PACRG: variants seen among roughly 807,000 people sequenced by gnomAD.
PACRG encodes the protein parkin coregulated gene protein.
In PACRG, 29 loss-of-function variants were observed where a neutral mutation model predicts 29.7. That is an observed-to-expected ratio of 0.98 (90% CI 0.73 to 1.33). The LOEUF (loss-of-function observed/expected upper bound fraction) is 1.33, where lower values mean the gene tolerates loss of function less well. Ranked by LOEUF, PACRG falls within the 40% of genes most tolerant of loss-of-function variation. The pLI is 0.00. For synonymous variants in PACRG, 116 were observed against 118.7 expected (o/e 0.98, Z 0.15); for missense variants, 279 against 316.2 (o/e 0.88, Z 0.89).
intron 1 of PACRG, among the ~76,000 whole-genome samples, chr6:162,783,474 A>C (rs1280436355): frequency 6.6e-6 from 1 of 151,984 alleles, no homozygotes; most frequent in Non-Finnish European, 1.5e-5. Context: ...AAATGAAATT[A>C]TAACTGCTGT....
chr6:162,781,668 G>A (rs1178073761), intron 1 of PACRG, among the ~76,000 whole-genome samples: 1 of 150,134 alleles, frequency 6.7e-6, no homozygotes, highest in African/African-American at 2.5e-5. Flanking sequence ...TTATATGTGT[G>A]TGTGAGGTAT....
intron 4 of PACRG, among the ~76,000 whole-genome samples, chr6:163,293,476 A>G (rs2128187859): frequency 6.6e-6 from 1 of 152,320 alleles, no homozygotes; most frequent in East Asian, 1.9e-4. Context: ...CAGCTGTATA[A>G]CCACAAGGCA....
At chr6:162,930,678 A>G (rs1350057684) in intron 2 of PACRG, among the ~76,000 whole-genome samples, 1 of 151,986 alleles carries the variant, frequency 6.6e-6, no homozygotes, top group Non-Finnish European at 1.5e-5. Context: ...CATATCGTAG[A>G]GGAAAGGCTT....
chr6:162,962,016 G>A (rs183100426), intron 2 of PACRG, among the ~76,000 whole-genome samples: 2 of 151,834 alleles, frequency 1.3e-5, no homozygotes, highest in East Asian at 3.9e-4. Context: ...CTAAACTTTT[G>A]TTCCTCCTTG....
chr6:163,035,502 C>T (rs940133150), intron 2 of PACRG, among the ~76,000 whole-genome samples: 9 of 152,134 alleles, frequency 5.9e-5, no homozygotes, highest in African/African-American at 2.2e-4. Flanking sequence ...CAAAAATTAG[C>T]CAGGTACGGT....
intron 4 of PACRG, among the ~76,000 whole-genome samples, chr6:163,177,474 G>T (rs774871361): frequency 6.6e-6 from 1 of 152,048 alleles, no homozygotes; most frequent in East Asian, 1.9e-4. Flanking sequence ...CAGGGTCTGA[G>T]TGACAATGTG....
rs1240269927 is a variant in PACRG at position 163,055,506 on chromosome 6, A to C, written c.292-6644A>C. 3.3e-5 allele frequency among the ~76,000 whole-genome samples: 5 copies of C among 152,210 alleles called. No individual in the cohort carries two copies. The highest frequency in any genetic ancestry group is 5.9e-5 in the Non-Finnish European group (4 of 68,036). ...CTGAAAACAAAATTATTATAATAAA[A>C]AGGAACCCTGGAAGATATGTAAAAG... On this transcript the variant is annotated intron_variant, in intron 2 of 4. Transcript: ENST00000366888. The surrounding 1 kb of genome is among the most constrained non-coding windows in gnomAD (Gnocchi z 4.0).
In PACRG at chr6:162,995,536, A is replaced by C. The variant is rs1348950525; in HGVS notation, c.292-66614A>C. Reference sequence around the variant, plus strand: ...CGTCCGTCACCCCTTTCTTTGACTCAGAAAGCGAACTCCCTGACCCCTTGC... The same window carrying C: ...CGTCCGTCACCCCTTTCTTTGACTCCGAAAGCGAACTCCCTGACCCCTTGC... On this transcript the variant is annotated intron_variant, in intron 2 of 4. Coordinates refer to ENST00000366888, the MANE Select transcript of PACRG (RefSeq NM_001080379.2). Among the ~76,000 whole-genome samples, 3 of 152,178 alleles carry C rather than the reference A, an allele frequency of 2.0e-5. No homozygotes were observed. In the East Asian group the frequency reaches 5.8e-4, roughly 29 times the overall value.
intron 2 of PACRG, among the ~76,000 whole-genome samples, chr6:162,818,398 G>A (rs1247677751): frequency 1.3e-5 from 2 of 152,058 alleles, no homozygotes; most frequent in South Asian, 2.1e-4. Flanking sequence ...GGGTGGGGAC[G>A]GGGCTCTTTG....
At chr6:162,840,031 G>C (rs1367006202) in intron 2 of PACRG, among the ~76,000 whole-genome samples, 29 of 122,464 alleles carry the variant, frequency 2.4e-4, no homozygotes, top group African/African-American at 9.2e-4. Flanking sequence ...GTAGTGTGAT[G>C]CCTCCAGCTT....
At chr6:162,838,238 A>C (rs1024564409) in intron 2 of PACRG, among the ~76,000 whole-genome samples, 1 of 152,166 alleles carries the variant, frequency 6.6e-6, no homozygotes, top group Non-Finnish European at 1.5e-5. Context: ...GCCATCTGTC[A>C]CTCATCTGTC....
In PACRG at chr6:162,753,016, A is replaced by G. The variant is rs937212667; in HGVS notation, c.156+24625A>G. Among the ~76,000 whole-genome samples the G allele has an allele frequency of 6.6e-5, 10 of 152,108 alleles. No individual in the cohort carries two copies. In the East Asian group the frequency reaches 1.9e-3, roughly 29 times the overall value. On this transcript the variant is annotated intron_variant, in intron 1 of 4. Transcript: ENST00000366888. The stretch of plus-strand genomic sequence containing the variant: ...ATAATTCTATCATTTTGGGGGCACA[A>G]TGTGATGTTTTGATATATGTATACA...
intron 2 of PACRG, among the ~76,000 whole-genome samples, chr6:163,015,612 T>G (rs1259633325): frequency 1.3e-5 from 2 of 152,186 alleles, no homozygotes; most frequent in Non-Finnish European, 2.9e-5. Context: ...ATGTGGCTAT[T>G]GTAAATGGGA....
intron 2 of PACRG, among the ~76,000 whole-genome samples, chr6:162,923,424 C>G (rs181076835): frequency 7.8e-4 from 118 of 152,230 alleles, no homozygotes; most frequent in African/African-American, 2.7e-3. Flanking sequence ...GGCATAAAAT[C>G]TTTGCTATGC....
Position 162,785,568 on chromosome 6 carries a change from A to C in PACRG, c.157-28579A>C, listed in dbSNP as rs1055264453. 7.5e-4 allele frequency among the ~76,000 whole-genome samples: 63 copies of C among 84,052 alleles called. 1 individual carries two copies. The highest frequency in any genetic ancestry group is 2.9e-3 in the African/African-American group (62 of 21,132). The allele number at this position is 84,052 out of a possible 152,430, so 55.1% of individuals were successfully genotyped here. On this transcript the variant is annotated intron_variant, in intron 1 of 4. Transcript: ENST00000366888. ...GAAGACAGTTTTTGCACAGACGGCC[A>C]GGGGGTGAAGGGGTGCGGGGGTTGG...
At position 162,973,442 on chromosome 6, in the gene PACRG, A is replaced by T. The variant is rs538685045; in HGVS notation, c.292-88708A>T. On this transcript the variant is annotated intron_variant, in intron 2 of 4. Transcript: ENST00000366888. ...TGTGACTGCAGCCCTTGCTGGTAGG[A>T]CCTCTCTCAGGGACTCCCACTCACC... Among the ~76,000 whole-genome samples the T allele has an allele frequency of 2.6e-5, 4 of 152,182 alleles. No individual in the cohort carries two copies. The South Asian group carries it at 6.2e-4, about 24-fold the overall frequency.
intron 4 of PACRG, among the ~76,000 whole-genome samples, chr6:163,283,381 T>C (rs1784282845): frequency 6.6e-6 from 1 of 152,202 alleles, no homozygotes; most frequent in African/African-American, 2.4e-5. Flanking sequence ...TCCAAAAAGA[T>C]TGGAACTAGG....
At chr6:163,271,102 C>T (rs1469073967) in intron 4 of PACRG, among the ~76,000 whole-genome samples, 1 of 152,094 alleles carries the variant, frequency 6.6e-6, no homozygotes, top group East Asian at 1.9e-4. Flanking sequence ...GTCCAAGAGT[C>T]CCAAAGCTGA....
intron 2 of PACRG, among the ~76,000 whole-genome samples, chr6:162,848,920 T>G (rs1790633713): frequency 6.6e-6 from 1 of 152,164 alleles, no homozygotes; most frequent in South Asian, 2.1e-4. Context: ...TCAGAGCAGA[T>G]CTAGAAATCC....
Sources: gnomAD v4.1 joint callset for allele counts (sites outside exome capture counted in the v4.1 genomes callset) on GRCh38, gnomAD v4.1.1 for gene constraint, Gnocchi (gnomAD v3.1) non-coding constraint, MANE v1.5 for transcripts, NCBI Gene and HGNC (gene_info 2026-07-23, HGNC 2026-07-21) for gene names.